The following CSMD1 variants were observed in gnomAD, a reference collection of about 807,000 sequenced individuals.
CSMD1 encodes CUB and Sushi multiple domains 1.
In CSMD1, 213 loss-of-function variants were observed where a neutral mutation model predicts 417.5. That is an observed-to-expected ratio of 0.51 (90% CI 0.46 to 0.57). The LOEUF (loss-of-function observed/expected upper bound fraction) is 0.57, where lower values mean the gene tolerates loss of function less well. Among genes scored for constraint, CSMD1 ranks in the 20% least tolerant of loss-of-function variants. CSMD1 has a pLI of 0.00. For missense variants in CSMD1, 6,923 were observed against 4,529.7 expected (o/e 1.53, Z -15.17); for synonymous variants, 2,862 against 1,736.8 (o/e 1.65, Z -16.11).
intron 3 of CSMD1, among the ~76,000 whole-genome samples, chr8:4,326,445 G>A (rs1344326806): frequency 1.3e-5 from 2 of 152,118 alleles, no homozygotes; most frequent in East Asian, 1.9e-4. Context: ...CTGAGCAAGA[G>A]GTAAAGAATG....
chr8:4,639,473 G>A lies in CSMD1; in HGVS notation c.86-1915C>T, dbSNP rs557920853. ...CCCACTCAAACCCTTCCAACATTTC[G>A]TTTGTCTGAGGTTAGCTGTTAAGTA... On this transcript the variant is annotated intron_variant, in intron 1 of 69. Coordinates refer to ENST00000635120, the MANE Select transcript of CSMD1 (RefSeq NM_033225.6). Among the ~76,000 whole-genome samples the A allele has an allele frequency of 5.3e-5, 8 of 152,176 alleles. No individual in the cohort carries two copies. The East Asian group carries it at 7.7e-4, about 15-fold the overall frequency.
intron 2 of CSMD1, among the ~76,000 whole-genome samples, chr8:4,496,521 A>T (rs1396903892): frequency 1.3e-5 from 2 of 152,204 alleles, no homozygotes; most frequent in African/African-American, 2.4e-5. Context: ...ACCAGGGAGT[A>T]TGTTAACACG....
chr8:4,080,392 G>A (rs939547784), intron 3 of CSMD1, among the ~76,000 whole-genome samples: 2 of 152,150 alleles, frequency 1.3e-5, no homozygotes, highest in Non-Finnish European at 2.9e-5. Flanking sequence ...TCTACATATT[G>A]AATTTCCAAA....
intron 12 of CSMD1, among the ~76,000 whole-genome samples, chr8:3,431,247 C>T (rs1429874079): frequency 2.0e-5 from 3 of 152,164 alleles, no homozygotes; most frequent in Non-Finnish European, 2.9e-5. Flanking sequence ...CTCCCCATCC[C>T]TCACCTTCCC....
At chr8:3,755,677 G>C (rs556610797) in intron 5 of CSMD1, among the ~76,000 whole-genome samples, 49 of 152,256 alleles carry the variant, frequency 3.2e-4, no homozygotes, top group Middle Eastern at 3.4e-3. Context: ...GAAATACATA[G>C]TCAAGCTTTC....
chr8:4,493,138 A>C (rs572109201), intron 2 of CSMD1, among the ~76,000 whole-genome samples: 1 of 152,318 alleles, frequency 6.6e-6, no homozygotes, highest in Non-Finnish European at 1.5e-5. Flanking sequence ...CCGTAAGAAG[A>C]CTAGATTTTT....
intron 7 of CSMD1, among the ~76,000 whole-genome samples, chr8:3,666,307 A>C (rs1798692001): frequency 6.6e-6 from 1 of 152,194 alleles, no homozygotes; most frequent in Admixed American, 6.5e-5. Flanking sequence ...AACCGATGTG[A>C]AGAATATGCT....
intron 10 of CSMD1, 124 bp downstream of exon 10, chr8:3,574,821 G>T (rs1267881658): frequency 2.6e-6 from 3 of 1,140,370 alleles, no homozygotes; most frequent in East Asian, 4.9e-5. Context: ...GATGCAGCTG[G>T]AACTTTTAAA....
intron 3 of CSMD1, among the ~76,000 whole-genome samples, chr8:4,169,352 T>G (rs765298302): frequency 6.6e-6 from 1 of 152,136 alleles, no homozygotes; most frequent in Non-Finnish European, 1.5e-5. Flanking sequence ...TCTAGATAAA[T>G]GGCGACTGCG....
chr8:4,472,059 T>C (rs141487105), intron 2 of CSMD1, among the ~76,000 whole-genome samples: 137 of 152,342 alleles, frequency 9.0e-4, no homozygotes, highest in Non-Finnish European at 1.6e-3. Flanking sequence ...ATTTAATGCT[T>C]AGCTGGGAAA....
intron 3 of CSMD1, among the ~76,000 whole-genome samples, chr8:4,032,551 C>G (rs541807936): frequency 1.3e-5 from 2 of 152,296 alleles, no homozygotes; most frequent in South Asian, 4.1e-4. Context: ...ACGACTGGTA[C>G]AGTGTCTGTT....
chr8:3,267,076 G>T (rs1801488377), intron 26 of CSMD1, among the ~76,000 whole-genome samples: 1 of 151,860 alleles, frequency 6.6e-6, no homozygotes, highest in Non-Finnish European at 1.5e-5. Flanking sequence ...GAAGCAAGAA[G>T]CCAGAGAGAG....
At chr8:4,719,097 T>G (rs1385452077) in intron 1 of CSMD1, among the ~76,000 whole-genome samples, 1 of 152,126 alleles carries the variant, frequency 6.6e-6, no homozygotes, top group Non-Finnish European at 1.5e-5. Flanking sequence ...GTGGTTGGTT[T>G]CTGCACAAAG....
chr8:4,564,037 C>A lies in CSMD1; in HGVS notation c.302+73305G>T, dbSNP rs140033435. Reference sequence around the variant, plus strand: ...CCATGGAGTTGCAACTCATGGAAGCCCAGTTAGCGAACATTCCTAGCATAT... The same window carrying A: ...CCATGGAGTTGCAACTCATGGAAGCACAGTTAGCGAACATTCCTAGCATAT... On this transcript the variant is annotated intron_variant, in intron 2 of 69. Transcript: ENST00000635120. Among the ~76,000 whole-genome samples, 360 of 152,134 alleles carry A rather than the reference C, an allele frequency of 2.4e-3. 1 individual carries two copies. The highest frequency in any genetic ancestry group is 7.3e-3 in the African/African-American group (305 of 41,504).
At chr8:3,194,348 T>A (rs1269601547) in intron 33 of CSMD1, among the ~76,000 whole-genome samples, 1 of 152,024 alleles carries the variant, frequency 6.6e-6, no homozygotes. Flanking sequence ...CTACCCAAAC[T>A]GAGAAAAAAA....
chr8:4,238,616 A>C (rs1030928103), intron 3 of CSMD1, among the ~76,000 whole-genome samples: 1 of 152,184 alleles, frequency 6.6e-6, no homozygotes, highest in Non-Finnish European at 1.5e-5. Flanking sequence ...TCACTTAAAA[A>C]ACAGGAAGAA....
At chr8:4,686,895 G>C (rs1348538542) in intron 1 of CSMD1, among the ~76,000 whole-genome samples, 2 of 152,210 alleles carry the variant, frequency 1.3e-5, no homozygotes, top group Non-Finnish European at 1.5e-5. Flanking sequence ...AGACCAGACA[G>C]AGGTGGATTT....
chr8:3,365,418 T>G (rs1292328239), intron 20 of CSMD1, among the ~76,000 whole-genome samples: 1 of 152,218 alleles, frequency 6.6e-6, no homozygotes, highest in Non-Finnish European at 1.5e-5. Context: ...TTACATAATG[T>G]TAATCAACAT....
intron 3 of CSMD1, among the ~76,000 whole-genome samples, chr8:4,105,314 T>C (rs1048715739): frequency 6.7e-6 from 1 of 149,698 alleles, no homozygotes; most frequent in Admixed American, 6.8e-5. Context: ...GCTTTAGTGA[T>C]CTTAATCTTG....
Sources: gnomAD v4.1 joint callset for allele counts (sites outside exome capture counted in the v4.1 genomes callset) on GRCh38, gnomAD v4.1.1 for gene constraint, MANE v1.5 for transcripts, NCBI Gene and HGNC (gene_info 2026-07-23, HGNC 2026-07-21) for gene names.